Variants in PBX1 observed in about 807,000 individuals in gnomAD.
The protein encoded by PBX1 is pre-B-cell leukemia transcription factor 1.
Under a neutral mutation model 53.4 loss-of-function variants are expected in PBX1, and 6 were observed. The ratio of observed to expected loss-of-function variants is 0.11; its 90% CI spans 0.06 to 0.22. The LOEUF is 0.22. Ranked by LOEUF, PBX1 falls within the 10% of genes least tolerant of loss-of-function variation. The pLI is 1.00. For synonymous variants in PBX1, 204 were observed against 212.3 expected (o/e 0.96, Z 0.34); for missense variants, 251 against 551.4 (o/e 0.46, Z 5.46).
intron 2 of PBX1, among the ~76,000 whole-genome samples, chr1:164,716,889 T>C (rs1664130405): frequency 6.6e-6 from 1 of 152,150 alleles, no homozygotes; most frequent in Non-Finnish European, 1.5e-5. Flanking sequence ...AATTAAAACA[T>C]TAAATACTGG....
At chr1:164,703,593 C>T (rs943211668) in intron 2 of PBX1, among the ~76,000 whole-genome samples, 1 of 152,312 alleles carries the variant, frequency 6.6e-6, no homozygotes, top group Admixed American at 6.5e-5. Flanking sequence ...GACCAGTTAG[C>T]CAACAGCCCA....
intron 5 of PBX1, among the ~76,000 whole-genome samples, chr1:164,810,710 G>A (rs1035961845): frequency 6.6e-6 from 1 of 152,126 alleles, no homozygotes; most frequent in Non-Finnish European, 1.5e-5. Context: ...AGTGAAACTA[G>A]ATATGCAGTG....
At chr1:164,704,242 TATTC>T (rs1663297552) in intron 2 of PBX1, among the ~76,000 whole-genome samples, 1 of 152,192 alleles carries the variant, frequency 6.6e-6, no homozygotes, top group Non-Finnish European at 1.5e-5. Flanking sequence ...GAAGACAGAT[TATTC>T]CCCAGTTGCC....
At chr1:164,628,880 A>G (rs935727093) in intron 2 of PBX1, among the ~76,000 whole-genome samples, 1 of 152,162 alleles carries the variant, frequency 6.6e-6, no homozygotes, top group Non-Finnish European at 1.5e-5. Flanking sequence ...ACACCGTCAC[A>G]TATTTTTGTT....
At chr1:164,760,384 C>T (rs1666747209) in intron 2 of PBX1, among the ~76,000 whole-genome samples, 1 of 151,638 alleles carries the variant, frequency 6.6e-6, no homozygotes, top group Admixed American at 6.6e-5. Flanking sequence ...TCCCTCCCAC[C>T]CTTCTTTGCT....
chr1:164,687,892 T>C (rs866498149), intron 2 of PBX1, among the ~76,000 whole-genome samples: 1 of 152,296 alleles, frequency 6.6e-6, no homozygotes, highest in Middle Eastern at 3.4e-3. Context: ...TGGGTTGTTC[T>C]TTCTCTTTAT....
chr1:164,565,864 C>G (rs989934675), intron 2 of PBX1, among the ~76,000 whole-genome samples: 2 of 151,116 alleles, frequency 1.3e-5, no homozygotes, highest in African/African-American at 4.9e-5. Flanking sequence ...TTGTTACTTT[C>G]AAGCCTTTTT....
intron 8 of PBX1, among the ~76,000 whole-genome samples, chr1:164,836,846 T>A (rs1671064095): frequency 6.6e-6 from 1 of 152,186 alleles, no homozygotes. Flanking sequence ...CTATTGTGAT[T>A]ATAGCCTGTA....
intron 2 of PBX1, among the ~76,000 whole-genome samples, chr1:164,785,738 T>A (rs891446854): frequency 6.6e-6 from 1 of 152,196 alleles, no homozygotes; most frequent in African/African-American, 2.4e-5. Context: ...TTTGTTTGAT[T>A]GCACTGAGCG....
intron 2 of PBX1, among the ~76,000 whole-genome samples, chr1:164,599,332 T>C (rs370479973): frequency 2.9e-4 from 44 of 152,248 alleles, no homozygotes; most frequent in African/African-American, 9.6e-4. Context: ...AGCTTGACCT[T>C]CCAGTCGTCT....
intron 8 of PBX1, chr1:164,829,872 G>T (rs1487136874): frequency 6.6e-6 from 1 of 151,278 alleles, no homozygotes; most frequent in African/African-American, 2.4e-5. Flanking sequence ...TGACAATGAA[G>T]AATTAATACT....
intron 2 of PBX1, among the ~76,000 whole-genome samples, chr1:164,670,269 T>A (rs7511919): frequency 2.0e-3 from 308 of 152,322 alleles, no homozygotes; most frequent in African/African-American, 6.9e-3. Context: ...TGATGACTGA[T>A]AGGCTGAAGA....
chr1:164,670,168 G>A (rs562783724), intron 2 of PBX1, among the ~76,000 whole-genome samples: 2 of 152,268 alleles, frequency 1.3e-5, no homozygotes, highest in African/African-American at 2.4e-5. Context: ...GGAATATTTG[G>A]TTTCTTCCCT....
intron 2 of PBX1, among the ~76,000 whole-genome samples, chr1:164,739,516 A>T (rs1204614071): frequency 6.6e-6 from 1 of 152,142 alleles, no homozygotes; most frequent in Non-Finnish European, 1.5e-5. Flanking sequence ...TATTGAGAGG[A>T]TTGTCACAGC....
chr1:164,793,598 C>T (rs1218771844), intron 3 of PBX1, among the ~76,000 whole-genome samples: 2 of 152,150 alleles, frequency 1.3e-5, no homozygotes, highest in Non-Finnish European at 2.9e-5. Flanking sequence ...GAACCCCCAT[C>T]CCATCCTCCC....
At chr1:164,802,881 T>G (rs1669153699) in intron 4 of PBX1, among the ~76,000 whole-genome samples, 1 of 152,158 alleles carries the variant, frequency 6.6e-6, no homozygotes, top group Non-Finnish European at 1.5e-5. Flanking sequence ...TTTTTTTTTT[T>G]TAGTTAAAAG....
At chr1:164,670,459 C>T (rs1462645720) in intron 2 of PBX1, among the ~76,000 whole-genome samples, 1 of 152,148 alleles carries the variant, frequency 6.6e-6, no homozygotes, top group East Asian at 1.9e-4. Flanking sequence ...CTTTCCACCC[C>T]GTGTGACTCC....
intron 6 of PBX1, chr1:164,814,315 T>C (rs2102350407): frequency 6.6e-6 from 1 of 152,340 alleles, no homozygotes; most frequent in South Asian, 2.1e-4. Context: ...GAGGTTAATA[T>C]GTGAAAATAT....
chr1:164,826,359 T>C (rs1276548571), intron 8 of PBX1, among the ~76,000 whole-genome samples: 2 of 152,198 alleles, frequency 1.3e-5, no homozygotes, highest in East Asian at 1.9e-4. Flanking sequence ...ATATTTGTGA[T>C]AGCAGAAAGC....
Sources: allele counts gnomAD v4.1 joint callset (sites outside exome capture counted in the v4.1 genomes callset), GRCh38; gene constraint gnomAD v4.1.1; transcripts MANE v1.5; gene names NCBI Gene and HGNC (gene_info 2026-07-23, HGNC 2026-07-21).